DNAH5: variants seen among roughly 807,000 people sequenced by gnomAD.
The protein encoded by DNAH5 is axonemal beta dynein heavy chain 5.
DNAH5 carries 372 observed loss-of-function variants against 518.2 expected under a neutral mutation model. The ratio of observed to expected loss-of-function variants is 0.72; its 90% confidence interval spans 0.66 to 0.78. The LOEUF (loss-of-function observed/expected upper bound fraction) is 0.78, where lower values mean the gene tolerates loss of function less well. DNAH5 is among the 30% of genes least tolerant of loss of function. DNAH5 has a pLI of 0.00. For synonymous variants in DNAH5, 2,039 were observed against 2,025.9 expected (o/e 1.01, Z -0.17); for missense variants, 5,523 against 5,687.0 (o/e 0.97, Z 0.93).
chr5:13,872,654 C>T (rs1770290983), intron 22 of DNAH5, among the ~76,000 whole-genome samples: 1 of 152,162 alleles, frequency 6.6e-6, no homozygotes, highest in Non-Finnish European at 1.5e-5. Flanking sequence ...AAATGACTCT[C>T]TGGCAATTGG....
In DNAH5 at chr5:13,871,676, C is replaced by T. The variant is rs2151920483; in HGVS notation, c.3486G>A (p.Gln1162=). The part of the protein sequence containing the change: ...KEEAIKTFIT[Q]SPLLSEFESQ... Reference sequence around the variant, plus strand: ...ACTCAAATTCAGAAAGCAAGGGGCTCTGTGTAATAAATGTCTTAATGGCTT... The same window carrying T: ...ACTCAAATTCAGAAAGCAAGGGGCTTTGTGTAATAAATGTCTTAATGGCTT... Residue 1162 remains glutamine, a synonymous_variant, in exon 23 of 79, where the codon CAG becomes CAA. Transcript: ENST00000265104. 4 of 1,613,754 alleles carry T rather than the reference C, an allele frequency of 2.5e-6. No homozygotes were observed. Among genetic ancestry groups the T allele is most frequent in the Non-Finnish European group, 3.4e-6 (4 of 1,179,778 alleles).
In DNAH5 at chr5:13,752,178, T is replaced by C. The variant is rs1750329962; in HGVS notation, c.10984A>G (p.Asn3662Asp). 4.3e-6 allele frequency: 7 copies of C among 1,614,044 alleles called. No individual in the cohort carries two copies. In the East Asian group the frequency reaches 1.3e-4, roughly 31 times the overall value. ...TTAATGAAGTTTCTTTCCAAAACAT[T>C]ATCTAGTGCTGGATCTAGTTCCTCT... is the stretch of plus-strand genomic sequence containing the variant. ...VGEELDPALD[N>D]VLERNFIKTG... The change falls in exon 64 of 79, where the codon AAT (asparagine) becomes GAT (aspartate). Residue 3662 changes from asparagine (N) to aspartate (D), a missense_variant. By Grantham distance (23) the Asn-to-Asp change is conservative (BLOSUM62 1). This residue lies in a region of DNAH5 where 5,121 missense variants were observed against 5,223.3 expected (regional missense o/e 0.98). Coordinates refer to ENST00000265104, the MANE Select transcript of DNAH5 (RefSeq NM_001369.3).
At chr5:13,811,864 C>T (rs1226234798) in intron 43 of DNAH5, 41 bp from the exon 44 acceptor site, 1 of 1,603,704 alleles carries the variant, frequency 6.2e-7, no homozygotes, top group Non-Finnish European at 8.5e-7. Context: ...AACTTATTAG[C>T]ACACTAGGAA....
intron 61 of DNAH5, among the ~76,000 whole-genome samples, chr5:13,758,449 C>T (rs1392777870): frequency 6.6e-6 from 1 of 152,140 alleles, no homozygotes; most frequent in African/African-American, 2.4e-5. Flanking sequence ...GAGCCATGAT[C>T]ATGCCATTGC....
chr5:13,780,891 C>A lies in DNAH5; in HGVS notation c.8889G>T (p.Gln2963His). ...LLVGVGGSGK[Q>H]SLTRLASFIA... ...TGAATGAAGCCAACCTCGTCAGGCTCTGCTTTCCTGATCCGCCCACCCCGA... is the reference window on the plus strand; with the variant it reads ...TGAATGAAGCCAACCTCGTCAGGCTATGCTTTCCTGATCCGCCCACCCCGA... The change falls in exon 53 of 79, where the codon CAG (glutamine) becomes CAT (histidine). Residue 2963 changes from glutamine (Q) to histidine (H), a missense_variant. Coordinates refer to ENST00000265104, the MANE Select transcript of DNAH5 (RefSeq NM_001369.3). 1 of 1,613,842 alleles carries A rather than the reference C, an allele frequency of 6.2e-7. No homozygotes were observed. Among genetic ancestry groups the A allele is most frequent in the African/African-American group, 1.3e-5 (1 of 75,030 alleles).
intron 1 of DNAH5, among the ~76,000 whole-genome samples, chr5:13,939,294 T>C (rs1779244389): frequency 6.6e-6 from 1 of 152,204 alleles, no homozygotes; most frequent in East Asian, 1.9e-4. Context: ...GAGTCCACGA[T>C]TGCAGAATCA....
intron 4 of DNAH5, 61 bp from the exon 5 acceptor site, chr5:13,922,389 T>C (rs1171001163): frequency 1.4e-6 from 2 of 1,446,678 alleles, no homozygotes; most frequent in African/African-American, 1.4e-5. Context: ...ACACAACTAC[T>C]AAGTCATTTC....
chr5:13,903,723 G>A (rs1205425231), intron 12 of DNAH5, among the ~76,000 whole-genome samples: 2 of 151,856 alleles, frequency 1.3e-5, no homozygotes, highest in Non-Finnish European at 2.9e-5. Flanking sequence ...AAGGGCTGAC[G>A]GAAAATAACA....
intron 27 of DNAH5, among the ~76,000 whole-genome samples, chr5:13,865,120 G>C (rs13168996): frequency 0.4 from 58,928 of 148,812 alleles, 11,902 homozygotes; most frequent in South Asian, 0.45. Context: ...TCAGCCTCCC[G>C]AGTAGCTGGG....
chr5:13,987,655 C>A (rs561820318), intron 1 of DNAH5, among the ~76,000 whole-genome samples: 50 of 152,050 alleles, frequency 3.3e-4, no homozygotes, highest in Non-Finnish European at 6.2e-4. Context: ...GAGTTCAAGA[C>A]CAGCCTGGCC....
rs1770956420 is a variant in DNAH5 at position 13,876,806 on chromosome 5, T to C, written c.3274A>G (p.Ile1092Val). ...GENELQDTLE[I>V]ASVNLPIPVQ... ...GGAATGGGTAAATTTACAGATGCTA[T>C]CTCCAAGGTATCTAAAAAGAAAAAA... The change falls in exon 22 of 79, where the codon ATA becomes GTA. Residue 1092 changes from isoleucine (I) to valine (V), a missense_variant. By Grantham distance (29) the Ile-to-Val change is conservative. This residue lies in a region of DNAH5 where 5,121 missense variants were observed against 5,223.3 expected (regional missense o/e 0.98). Coordinates refer to ENST00000265104, the MANE Select transcript of DNAH5 (RefSeq NM_001369.3). The C allele has an allele frequency of 1.2e-6, 2 of 1,613,560 alleles. No homozygotes were observed. The highest frequency in any genetic ancestry group is 1.7e-6 in the Non-Finnish European group (2 of 1,179,744).
At chr5:13,954,577 G>A (rs1032206252) in intron 1 of DNAH5, among the ~76,000 whole-genome samples, 2 of 152,302 alleles carry the variant, frequency 1.3e-5, no homozygotes, top group South Asian at 4.1e-4. Context: ...GAAAATAAAG[G>A]AAAACATGTT....
intron 77 of DNAH5, among the ~76,000 whole-genome samples, 164 bp downstream of exon 77, chr5:13,701,120 G>A (rs1280007249): frequency 2.6e-5 from 4 of 152,180 alleles, no homozygotes; most frequent in African/African-American, 9.7e-5. Context: ...CGAGCTAGCA[G>A]CCTGAGAACA....
rs772331974 is a variant in DNAH5, at chr5:13,820,431, C to T, written c.6756G>A (p.Gln2252=). ...KLKVIQLFET[Q]RVRHGMMTLG... is the part of the protein sequence containing the mutation. ...GAGTCATCATCCCATGTCGCACTCTCTGCGTTTCGAATAGCTGGATGACCT... is the reference window on the plus strand; with the variant it reads ...GAGTCATCATCCCATGTCGCACTCTTTGCGTTTCGAATAGCTGGATGACCT... Residue 2252 remains glutamine (Q), a synonymous_variant, in exon 41 of 79, where the codon CAG becomes CAA. Coordinates refer to ENST00000265104, the MANE Select transcript of DNAH5 (RefSeq NM_001369.3). 1 of 1,614,086 alleles carries T rather than the reference C, an allele frequency of 6.2e-7. No homozygotes were observed. The highest frequency in any genetic ancestry group is 8.5e-7 in the Non-Finnish European group (1 of 1,180,034).
intron 55 of DNAH5, among the ~76,000 whole-genome samples, chr5:13,774,208 A>G (rs1220917786): frequency 1.3e-5 from 2 of 152,182 alleles, no homozygotes; most frequent in Non-Finnish European, 2.9e-5. Flanking sequence ...CCAGGTGAGC[A>G]GCAATGATAG....
chr5:14,001,100 A>G (rs1784321355), intron 1 of DNAH5, among the ~76,000 whole-genome samples: 1 of 152,214 alleles, frequency 6.6e-6, no homozygotes, highest in African/African-American at 2.4e-5. Context: ...CTGGGTACAC[A>G]TGAACGTAGA....
intron 72 of DNAH5, among the ~76,000 whole-genome samples, chr5:13,718,554 GACTACTGTACT>G (rs1307090961): frequency 6.6e-6 from 1 of 152,224 alleles, no homozygotes; most frequent in Non-Finnish European, 1.5e-5. Context: ...TCTTGGAAGA[GACTACTGTACT>G]ACTTTAAGTA....
chr5:13,999,284 A>G (rs1784180541), intron 1 of DNAH5, among the ~76,000 whole-genome samples: 1 of 152,230 alleles, frequency 6.6e-6, no homozygotes, highest in East Asian at 1.9e-4. Context: ...TAGGTACAAC[A>G]TTGTACAACA....
chr5:13,845,732 ACTT>A (rs751390710), intron 31 of DNAH5, among the ~76,000 whole-genome samples: 10 of 146,528 alleles, frequency 6.8e-5, no homozygotes, highest in South Asian at 2.2e-4. Flanking sequence ...TTTTAATTGT[ACTT>A]CTTTTTTAAA....
Sources: gnomAD v4.1 joint callset for allele counts (sites outside exome capture counted in the v4.1 genomes callset) on GRCh38, gnomAD v4.1.1 for gene constraint, gnomAD v4.1.1 regional missense constraint, MANE v1.5 for transcripts, NCBI Gene and HGNC (gene_info 2026-07-23, HGNC 2026-07-21) for gene names.